Variants in CLYBL observed in about 807,000 individuals in gnomAD.
The protein encoded by CLYBL is citramalyl-CoA lyase, mitochondrial.
In CLYBL, 31 loss-of-function variants were observed where a neutral mutation model predicts 38.9. The observed-to-expected ratio is 0.80, with a 90% CI of 0.60 to 1.08. The LOEUF is 1.08. Among genes scored for constraint, CLYBL ranks in the 50% least tolerant of loss-of-function variants. The pLI is 0.00. For missense variants in CLYBL, 434 were observed against 411.6 expected (o/e 1.05, Z -0.47); for synonymous variants, 171 against 158.6 (o/e 1.08, Z -0.59).
intron 2 of CLYBL, among the ~76,000 whole-genome samples, chr13:99,855,408 G>C (rs1337535033): frequency 2.0e-5 from 3 of 152,136 alleles, no homozygotes; most frequent in Non-Finnish European, 4.4e-5. Context: ...GCCCTTCTGA[G>C]AGCTGGGGTC....
chr13:99,701,849 A>G (rs1052966010), intron 1 of CLYBL, among the ~76,000 whole-genome samples: 1 of 151,490 alleles, frequency 6.6e-6, no homozygotes, highest in Non-Finnish European at 1.5e-5. Flanking sequence ...TAATTTTTGT[A>G]TTAGTAGAGA....
intron 1 of CLYBL, among the ~76,000 whole-genome samples, chr13:99,715,044 G>A (rs2048291280): frequency 6.6e-6 from 1 of 152,196 alleles, no homozygotes; most frequent in African/African-American, 2.4e-5. Context: ...AAGGTTATCA[G>A]CTGGGGGCCC....
At chr13:99,642,449 C>T (rs1022142243) in intron 1 of CLYBL, among the ~76,000 whole-genome samples, 5 of 152,164 alleles carry the variant, frequency 3.3e-5, no homozygotes, top group Non-Finnish European at 7.4e-5. Flanking sequence ...GGATCTTGCC[C>T]TGTTGCCCAG....
chr13:99,884,793 C>A (rs2052305048), intron 7 of CLYBL, among the ~76,000 whole-genome samples: 1 of 152,122 alleles, frequency 6.6e-6, no homozygotes, highest in African/African-American at 2.4e-5. Flanking sequence ...GAGGCAGAGC[C>A]CCATATCCCT....
intron 1 of CLYBL, among the ~76,000 whole-genome samples, chr13:99,752,189 G>A (rs886262459): frequency 6.6e-6 from 1 of 152,140 alleles, no homozygotes; most frequent in African/African-American, 2.4e-5. Flanking sequence ...TGAAGCCGAC[G>A]GAGAGCATTA....
At chr13:99,639,758 A>G (rs2139263102) in intron 1 of CLYBL, among the ~76,000 whole-genome samples, 1 of 152,286 alleles carries the variant, frequency 6.6e-6, no homozygotes, top group East Asian at 1.9e-4. Flanking sequence ...TTAGCTGGGC[A>G]TGGTGGCATG....
intron 1 of CLYBL, among the ~76,000 whole-genome samples, chr13:99,620,366 G>GT (rs1377035117): frequency 6.6e-6 from 1 of 152,176 alleles, no homozygotes; most frequent in African/African-American, 2.4e-5. Context: ...TGCTCTCATA[G>GT]GGTCTGCCTG....
intron 1 of CLYBL, among the ~76,000 whole-genome samples, chr13:99,771,399 G>T (rs1044876565): frequency 6.6e-6 from 1 of 152,082 alleles, no homozygotes; most frequent in Non-Finnish European, 1.5e-5. Context: ...TTATGGGCAG[G>T]GTTGGCTTCA....
chr13:99,724,012 T>G (rs965477363), intron 1 of CLYBL, among the ~76,000 whole-genome samples: 1 of 152,222 alleles, frequency 6.6e-6, no homozygotes, highest in Non-Finnish European at 1.5e-5. Flanking sequence ...TTTGCTGCAA[T>G]GAGTTGTGTC....
In CLYBL at chr13:99,864,899, C is replaced by T. The variant is rs747308343; in HGVS notation, c.622C>T (p.Arg208Ter). 17 of 1,572,904 alleles carry T rather than the reference C, an allele frequency of 1.1e-5. No individual in the cohort carries two copies. The highest frequency in any genetic ancestry group is 6.6e-5 in the South Asian group (6 of 90,514). Reference sequence around the variant, plus strand: ...AGTCGTTTTTGGAGGAGAAGACTTTCGAGCCAGCATAGGTGTCAAAGACAT... The same window carrying T: ...AGTCGTTTTTGGAGGAGAAGACTTTTGAGCCAGCATAGGTGTCAAAGACAT... ...DAVVFGGEDF[R>*]ASIGATSSKE... The change falls in exon 5 of 9, where the codon CGA (arginine) becomes TGA (stop). Residue 208 changes from arginine (R) to a stop codon, truncating the protein, a stop_gained. Coordinates refer to ENST00000339105, the MANE Select transcript of CLYBL (RefSeq NM_206808.5). LOFTEE classifies it high-confidence loss of function.
intron 6 of CLYBL, among the ~76,000 whole-genome samples, chr13:99,870,286 C>T (rs776078326): frequency 6.6e-6 from 1 of 151,946 alleles, no homozygotes; most frequent in Non-Finnish European, 1.5e-5. Flanking sequence ...TCAAATCTGC[C>T]TTCTATTTTA....
chr13:99,727,383 C>G lies in CLYBL; in HGVS notation c.63-45441C>G, dbSNP rs182933105. The G allele has an allele frequency of 2.6e-5, 4 of 152,170 alleles. No individual in the cohort carries two copies. In the East Asian group the frequency reaches 7.7e-4, roughly 29 times the overall value. The allele number at this position is 152,170 out of a possible 1,614,324, so 9.4% of individuals were successfully genotyped here. Reference sequence around the variant, plus strand: ...AACTGAATCAAGCCTGCCTCCACCTCTTTTCTAGGATTGCAGGTTCCTTTT... The same window carrying G: ...AACTGAATCAAGCCTGCCTCCACCTGTTTTCTAGGATTGCAGGTTCCTTTT... On this transcript the variant is annotated intron_variant, in intron 1 of 8. Coordinates refer to ENST00000339105, the MANE Select transcript of CLYBL (RefSeq NM_206808.5).
intron 2 of CLYBL, among the ~76,000 whole-genome samples, chr13:99,787,798 C>T (rs1471643652): frequency 2.0e-5 from 3 of 152,148 alleles, no homozygotes; most frequent in Admixed American, 6.6e-5. Context: ...GGCAGTATGG[C>T]CATTTTCACG....
At chr13:99,609,710 C>A (rs1257894135) in intron 1 of CLYBL, among the ~76,000 whole-genome samples, 4 of 151,302 alleles carry the variant, frequency 2.6e-5, no homozygotes, top group Non-Finnish European at 5.9e-5. Context: ...CTAATTGTTT[C>A]TATTCTTTTG....
chr13:99,717,523 G>A (rs913494969), intron 1 of CLYBL, among the ~76,000 whole-genome samples: 7 of 150,952 alleles, frequency 4.6e-5, no homozygotes, highest in African/African-American at 7.3e-5. Context: ...GCAGTGGCAC[G>A]ATCTCAGTTC....
intron 1 of CLYBL, among the ~76,000 whole-genome samples, chr13:99,692,429 C>A (rs1332914224): frequency 1.3e-5 from 2 of 151,970 alleles, no homozygotes; most frequent in Non-Finnish European, 2.9e-5. Context: ...GTAGCTGAGA[C>A]TACAGGCACC....
At chr13:99,686,041 CAA>C (rs776444219) in intron 1 of CLYBL, among the ~76,000 whole-genome samples, 2 of 152,118 alleles carry the variant, frequency 1.3e-5, no homozygotes, top group Non-Finnish European at 2.9e-5. Context: ...GCTATACAGT[CAA>C]ACAGATTCAG....
intron 2 of CLYBL, among the ~76,000 whole-genome samples, chr13:99,773,483 G>C (rs927201986): frequency 6.6e-6 from 1 of 152,148 alleles, no homozygotes; most frequent in Non-Finnish European, 1.5e-5. Flanking sequence ...CAAGGAGCAC[G>C]ACCCTGTTGT....
chr13:99,705,856 A>G (rs1358844606), intron 1 of CLYBL, among the ~76,000 whole-genome samples: 2 of 152,192 alleles, frequency 1.3e-5, no homozygotes, highest in Non-Finnish European at 2.9e-5. Flanking sequence ...AATATTGTGA[A>G]AGGACAAAAC....
Sources: gnomAD v4.1 joint callset for allele counts (sites outside exome capture counted in the v4.1 genomes callset) on GRCh38, gnomAD v4.1.1 for gene constraint, MANE v1.5 for transcripts, NCBI Gene and HGNC (gene_info 2026-07-23, HGNC 2026-07-21) for gene names.